Variants in KIAA0825 observed in about 807,000 individuals in gnomAD.
The protein encoded by KIAA0825 is uncharacterized protein KIAA0825.
Under a neutral mutation model 147.6 loss-of-function variants are expected in KIAA0825, and 119 were observed. That is an observed-to-expected ratio of 0.81 (90% CI 0.69 to 0.94). KIAA0825 has a LOEUF of 0.94. Ranked by LOEUF, KIAA0825 falls within the 40% of genes least tolerant of loss-of-function variation. The pLI is 0.00. For synonymous variants in KIAA0825, 470 were observed against 518.1 expected, an observed-to-expected ratio of 0.91 and a Z score of 1.26; for missense variants, 1,381 against 1,472.7, an observed-to-expected ratio of 0.94 and a Z score of 1.02.
chr5:94,385,449 G>T (rs1749007380), intron 19 of KIAA0825, among the ~76,000 whole-genome samples: 1 of 152,182 alleles, frequency 6.6e-6, no homozygotes, highest in Non-Finnish European at 1.5e-5. Context: ...TCTGCATGCT[G>T]AATTAGGCCA....
intron 14 of KIAA0825, among the ~76,000 whole-genome samples, chr5:94,433,443 C>T (rs1025515151): frequency 1.5e-4 from 23 of 152,192 alleles, no homozygotes; most frequent in African/African-American, 5.5e-4. Context: ...TTAAAAAGTA[C>T]AAAAGGTACT....
intron 20 of KIAA0825, among the ~76,000 whole-genome samples, chr5:94,366,957 A>G (rs1745947227): frequency 6.6e-6 from 1 of 152,226 alleles, no homozygotes; most frequent in Admixed American, 6.5e-5. Context: ...TTAGAACTTT[A>G]TAAAAGAGGT....
intron 3 of KIAA0825, among the ~76,000 whole-genome samples, chr5:94,526,146 G>A (rs2081434553): frequency 1.3e-5 from 2 of 151,878 alleles, no homozygotes; most frequent in South Asian, 2.1e-4. Context: ...TATGATAAAT[G>A]TCAGTTTGGT....
At chr5:94,581,512 T>A (rs1001519011) in intron 2 of KIAA0825, among the ~76,000 whole-genome samples, 3 of 152,080 alleles carry the variant, frequency 2.0e-5, no homozygotes, top group African/African-American at 7.2e-5. Flanking sequence ...CAACAAGAAT[T>A]TAAAGTTAAA....
chr5:94,370,172 A>G (rs1438906097), intron 20 of KIAA0825, among the ~76,000 whole-genome samples: 1 of 152,194 alleles, frequency 6.6e-6, no homozygotes, highest in African/African-American at 2.4e-5. Context: ...AAAATAAAAA[A>G]AAAAGGACAA....
At chr5:94,532,404 C>T (rs747954067) in intron 3 of KIAA0825, among the ~76,000 whole-genome samples, 9 of 152,004 alleles carry the variant, frequency 5.9e-5, no homozygotes, top group Admixed American at 1.3e-4. Flanking sequence ...GCACACCACA[C>T]GCAGCCTCTC....
intron 20 of KIAA0825, among the ~76,000 whole-genome samples, chr5:94,174,305 G>A (rs1315643145): frequency 6.6e-6 from 1 of 152,092 alleles, no homozygotes; most frequent in Non-Finnish European, 1.5e-5. Context: ...AGCACATTTT[G>A]CTTGCATTCC....
intron 2 of KIAA0825, among the ~76,000 whole-genome samples, chr5:94,571,642 G>C (rs967673881): frequency 3.9e-5 from 6 of 152,200 alleles, no homozygotes; most frequent in Non-Finnish European, 7.3e-5. Context: ...CTGTGTATTA[G>C]ATGTTGCTGC....
intron 20 of KIAA0825, among the ~76,000 whole-genome samples, chr5:94,202,039 T>C (rs887479524): frequency 1.3e-5 from 2 of 152,092 alleles, no homozygotes; most frequent in African/African-American, 4.8e-5. Context: ...ATATTAAAGA[T>C]AGGGGGTTCT....
At chr5:94,190,255 C>T (rs1770546888) in intron 20 of KIAA0825, among the ~76,000 whole-genome samples, 1 of 152,150 alleles carries the variant, frequency 6.6e-6, no homozygotes, top group Non-Finnish European at 1.5e-5. Flanking sequence ...TTCTTATTCG[C>T]ATGCTTTCTG....
chr5:94,541,448 T>G (rs891381512), intron 2 of KIAA0825, among the ~76,000 whole-genome samples: 2 of 152,260 alleles, frequency 1.3e-5, no homozygotes, highest in African/African-American at 4.8e-5. Context: ...GTGGATTTAT[T>G]TACTTTTTGG....
At chr5:94,185,500 C>T (rs1273325676) in intron 20 of KIAA0825, among the ~76,000 whole-genome samples, 1 of 152,116 alleles carries the variant, frequency 6.6e-6, no homozygotes, top group Non-Finnish European at 1.5e-5. Flanking sequence ...CAGGTTTTAC[C>T]TGTAGCTACT....
intron 20 of KIAA0825, among the ~76,000 whole-genome samples, chr5:94,198,323 T>C (rs1380469263): frequency 6.6e-6 from 1 of 152,222 alleles, no homozygotes; most frequent in Non-Finnish European, 1.5e-5. Flanking sequence ...CCTGAATCTT[T>C]ACTGAAGTTA....
At chr5:94,615,469 C>T (rs187617089) in intron 1 of KIAA0825, 1 of 152,284 alleles carries the variant, frequency 6.6e-6, no homozygotes, top group Admixed American at 6.5e-5. Context: ...TGTTTAATGA[C>T]TATGCGTAAC....
chr5:94,183,552 G>A (rs1769860270), intron 20 of KIAA0825, among the ~76,000 whole-genome samples: 1 of 152,186 alleles, frequency 6.6e-6, no homozygotes, highest in Non-Finnish European at 1.5e-5. Context: ...TGATTAGAGG[G>A]TTGAGACTTT....
chr5:94,378,758 G>A (rs893042909), intron 20 of KIAA0825, among the ~76,000 whole-genome samples: 8 of 152,056 alleles, frequency 5.3e-5, no homozygotes, highest in African/African-American at 1.9e-4. Flanking sequence ...TCATAATCTT[G>A]CCAGCATGTT....
intron 20 of KIAA0825, among the ~76,000 whole-genome samples, chr5:94,345,246 T>C (rs1402881915): frequency 6.6e-6 from 1 of 152,132 alleles, no homozygotes; most frequent in Non-Finnish European, 1.5e-5. Context: ...TAAATGAACG[T>C]TTGCCTTATG....
At chr5:94,587,920 T>C (rs940985797) in intron 1 of KIAA0825, among the ~76,000 whole-genome samples, 2 of 151,876 alleles carry the variant, frequency 1.3e-5, no homozygotes, top group African/African-American at 4.8e-5. Context: ...CTTTGAGAAA[T>C]CTCACAAAAA....
chr5:94,274,968 A>AC (rs1165265933), intron 20 of KIAA0825, among the ~76,000 whole-genome samples: 2 of 152,034 alleles, frequency 1.3e-5, no homozygotes, highest in African/African-American at 4.8e-5. Flanking sequence ...ACTCACCTTT[A>AC]CCTGAGGTAT....
Sources: gnomAD v4.1 joint callset for allele counts (sites outside exome capture counted in the v4.1 genomes callset) on GRCh38, gnomAD v4.1.1 for gene constraint, MANE v1.5 for transcripts, NCBI Gene and HGNC (gene_info 2026-07-23, HGNC 2026-07-21) for gene names.